Variants in FUT8 observed in about 807,000 individuals in gnomAD.
FUT8 encodes fucosyltransferase 8.
Under a neutral mutation model 71.3 loss-of-function variants are expected in FUT8, and 29 were observed. The ratio of observed to expected loss-of-function variants is 0.41; its 90% CI spans 0.30 to 0.55. The LOEUF (loss-of-function observed/expected upper bound fraction) is 0.55. Among genes scored for constraint, FUT8 ranks in the 20% least tolerant of loss-of-function variants. The pLI is 0.34. For synonymous variants in FUT8, 254 were observed against 239.3 expected, an observed-to-expected ratio of 1.06 and a Z score of -0.57; for missense variants, 544 against 702.1, an observed-to-expected ratio of 0.77 and a Z score of 2.55.
intron 2 of FUT8, among the ~76,000 whole-genome samples, chr14:65,520,845 A>T (rs888252309): frequency 5.3e-5 from 8 of 152,146 alleles, no homozygotes; most frequent in African/African-American, 1.9e-4. Context: ...AGTTTCAAAC[A>T]GTTTTTTGTT....
Position 65,415,799 on chromosome 14 carries a change from C to T in FUT8, c.-326+2585C>T, listed in dbSNP as rs540173915. Reference sequence around the variant, plus strand: ...TTATCTCCTGCAGTATAATGCAGTGCGTCCAGCTGATCTACCAAATTGAAT... The same window carrying T: ...TTATCTCCTGCAGTATAATGCAGTGTGTCCAGCTGATCTACCAAATTGAAT... On this transcript the variant is annotated intron_variant, in intron 1 of 10. Transcript: ENST00000673929. 9.5e-4 allele frequency among the ~76,000 whole-genome samples: 145 copies of T among 151,840 alleles called. 2 individuals carry two copies. The highest frequency in any genetic ancestry group is 2.1e-3 in the South Asian group (10 of 4,806).
chr14:65,523,948 C>A (rs527674584), intron 2 of FUT8, among the ~76,000 whole-genome samples: 1 of 152,270 alleles, frequency 6.6e-6, no homozygotes, highest in South Asian at 2.1e-4. Context: ...GTTTTGGTAC[C>A]AGTACCATGC....
Position 65,603,751 on chromosome 14 carries a change from GT to G in FUT8, c.204-12226del, listed in dbSNP as rs747278271. Among the ~76,000 whole-genome samples the G allele has an allele frequency of 6.6e-6, 1 of 151,732 alleles. No individual in the cohort carries two copies. The highest frequency in any genetic ancestry group is 1.5e-5 in the Non-Finnish European group (1 of 67,896). ...AACAGATAGGACGATGAATGGAATA[GT>G]ACCTCACATCTTAATGTTAATATTG... On this transcript the variant is annotated intron_variant, in intron 3 of 10. Coordinates refer to ENST00000673929, the MANE Select transcript of FUT8 (RefSeq NM_001371533.1). This position sits in a 1 kb window ranked among gnomAD's most constrained non-coding sequence, Gnocchi z 4.5.
Position 65,722,095 on chromosome 14 carries a change from A to T in FUT8, c.1082+74A>T. 5 of 1,536,942 alleles carry T rather than the reference A, an allele frequency of 3.3e-6. No homozygotes were observed. The Admixed American group carries it at 9.3e-5, about 29-fold the overall frequency. On this transcript the variant is annotated intron_variant, in intron 8 of 10. Transcript: ENST00000673929. ...TTATGTATCTTTACAATATATTGTGAATTTTACAATATGTAGTTCAATTTT... is the reference window on the plus strand; with the variant it reads ...TTATGTATCTTTACAATATATTGTGTATTTTACAATATGTAGTTCAATTTT...
At chr14:65,373,673 T>G in the FUT8 span, among the ~76,000 whole-genome samples, 4 of 152,106 alleles carry the variant, frequency 2.6e-5, no homozygotes, top group African/African-American at 9.7e-5. Flanking sequence ...CGTACCACGG[T>G]GGGTCAGGGA....
chr14:65,534,681 A>T (rs567883953), intron 2 of FUT8, among the ~76,000 whole-genome samples: 1 of 150,208 alleles, frequency 6.7e-6, no homozygotes, highest in Non-Finnish European at 1.5e-5. Flanking sequence ...GAATTTATCC[A>T]TTTTTTTCTA....
chr14:65,692,767 A>G (rs1194132127), intron 7 of FUT8, among the ~76,000 whole-genome samples: 5 of 147,676 alleles, frequency 3.4e-5, no homozygotes, highest in South Asian at 2.2e-4. Context: ...GTTGCCGGGC[A>G]GAGGGTCTCC....
chr14:65,658,795 T>C (rs1891819282), intron 6 of FUT8, among the ~76,000 whole-genome samples: 1 of 152,048 alleles, frequency 6.6e-6, no homozygotes, highest in South Asian at 2.1e-4. Context: ...ATAAGGGGTT[T>C]CTTTGCTTTG....
intron 3 of FUT8, among the ~76,000 whole-genome samples, chr14:65,566,136 A>G (rs10143920): frequency 0.024 from 3,664 of 151,988 alleles, 109 homozygotes; most frequent in East Asian, 0.094. Flanking sequence ...CCTCACTTAC[A>G]TATTTGGCAA....
At chr14:65,460,805 A>G (rs1594655022) in intron 2 of FUT8, among the ~76,000 whole-genome samples, 1 of 152,114 alleles carries the variant, frequency 6.6e-6, no homozygotes, top group African/African-American at 2.4e-5. Context: ...CTTGATTAGG[A>G]TTGGGTAGGT....
chr14:65,609,200 C>T (rs759033164), intron 3 of FUT8, among the ~76,000 whole-genome samples: 6 of 151,016 alleles, frequency 4.0e-5, no homozygotes, highest in African/African-American at 9.7e-5. Flanking sequence ...GAGGCTGAAG[C>T]GGAAGAATCA....
chr14:65,551,944 TAA>T (rs781383476), intron 2 of FUT8, among the ~76,000 whole-genome samples: 6 of 152,286 alleles, frequency 3.9e-5, no homozygotes. Context: ...AGCTCTGCGG[TAA>T]AATCTTGACA....
upstream of FUT8, among the ~76,000 whole-genome samples, chr14:65,408,746 T>C (rs548315496): frequency 6.6e-6 from 1 of 152,348 alleles, no homozygotes; most frequent in Non-Finnish European, 1.5e-5. Context: ...ATCAATCACT[T>C]CATTTACTCT....
rs2066069047 is a variant in FUT8 at position 65,467,869 on chromosome 14, C to T, written c.-228+12151C>T. Reference sequence around the variant, plus strand: ...TCAGGCTCCTTCCCACTGGTTCTCACAAAGTGTGCTTCTCTGGATGGAGCA... The same window carrying T: ...TCAGGCTCCTTCCCACTGGTTCTCATAAAGTGTGCTTCTCTGGATGGAGCA... On this transcript the variant is annotated intron_variant, in intron 2 of 10. Transcript: ENST00000673929. This position sits in a 1 kb window ranked among gnomAD's most constrained non-coding sequence, Gnocchi z 4.1. 18 of 788,954 alleles carry T rather than the reference C, an allele frequency of 2.3e-5. No homozygotes were observed. In the South Asian group the frequency reaches 2.4e-4, roughly 11 times the overall value. The allele number at this position is 788,954 out of a possible 1,614,324, so 48.9% of individuals were successfully genotyped here.
intron 5 of FUT8, among the ~76,000 whole-genome samples, chr14:65,620,555 T>C (rs560254240): frequency 9.2e-5 from 14 of 152,214 alleles, no homozygotes; most frequent in Non-Finnish European, 1.9e-4. Flanking sequence ...TGTTGCCCAA[T>C]AGCTTGTATT....
intron 2 of FUT8, among the ~76,000 whole-genome samples, chr14:65,546,483 G>A (rs558322157): frequency 1.3e-4 from 19 of 151,710 alleles, no homozygotes; most frequent in African/African-American, 4.3e-4. Flanking sequence ...TAACCATATT[G>A]TGTATACTGG....
chr14:65,495,371 A>G (rs72714460), intron 2 of FUT8, among the ~76,000 whole-genome samples: 19,942 of 152,142 alleles, frequency 0.13, 1,738 homozygotes, highest in Middle Eastern at 0.2. Flanking sequence ...TGCTTCTTGC[A>G]CTGGGGTTCC....
intron 3 of FUT8, among the ~76,000 whole-genome samples, chr14:65,608,857 T>C (rs1266717148): frequency 6.6e-6 from 1 of 152,072 alleles, no homozygotes; most frequent in Non-Finnish European, 1.5e-5. Flanking sequence ...TAACGTCTTT[T>C]AGTGTGCTTA....
At chr14:65,557,671 T>A (rs892282844) in intron 2 of FUT8, among the ~76,000 whole-genome samples, 5 of 151,908 alleles carry the variant, frequency 3.3e-5, no homozygotes, top group Admixed American at 6.6e-5. Context: ...TATCACTAAT[T>A]AAATAAATTT....
Sources: gnomAD v4.1 joint callset for allele counts (sites outside exome capture counted in the v4.1 genomes callset) on GRCh38, gnomAD v4.1.1 for gene constraint, Gnocchi (gnomAD v3.1) non-coding constraint, MANE v1.5 for transcripts, NCBI Gene and HGNC (gene_info 2026-07-23, HGNC 2026-07-21) for gene names.